Variants in ANKRD10 observed in about 807,000 individuals in gnomAD.
The protein encoded by ANKRD10 is ankyrin repeat domain-containing protein 10.
A neutral mutation model predicts 27.0 loss-of-function variants in ANKRD10; 14 were observed. The ratio of observed to expected loss-of-function variants is 0.52; its 90% CI spans 0.34 to 0.81. The LOEUF is 0.81. ANKRD10 is among the 40% of genes least tolerant of loss of function. The pLI is 0.01. For missense variants in ANKRD10, 493 were observed against 544.0 expected, an observed-to-expected ratio of 0.91 and a Z score of 0.93; for synonymous variants, 250 against 224.5, an observed-to-expected ratio of 1.11 and a Z score of -1.01.
At chr13:110,898,928 TG>T (rs1252519076) in intron 3 of ANKRD10, 1 of 152,194 alleles carries the variant, frequency 6.6e-6, no homozygotes, top group Non-Finnish European at 1.5e-5. Context: ...GCTAATTTTT[TG>T]TATTTTTAGT....
In ANKRD10 at chr13:110,885,978, TACTC is replaced by T. The variant is rs2064919515; in HGVS notation, c.692-2189_692-2186del. Among the ~76,000 whole-genome samples, 3 of 152,206 alleles carry T rather than the reference TACTC, an allele frequency of 2.0e-5. No individual in the cohort carries two copies. In the South Asian group the frequency reaches 6.2e-4, roughly 32 times the overall value. ...TCACTAGGCCCAGTACCTAGAATAGTACTCACATCAGCAGATGAAGCCCACCCAC... is the reference window on the plus strand; with the variant it reads ...TCACTAGGCCCAGTACCTAGAATAGTACATCAGCAGATGAAGCCCACCCAC... On this transcript the variant is annotated intron_variant, in intron 4 of 5. Transcript: ENST00000267339.
At position 110,914,936 on chromosome 13, in the gene ANKRD10, G is replaced by A. The variant is rs1047075015; in HGVS notation, c.-2C>T. 3 of 1,531,996 alleles carry A rather than the reference G, an allele frequency of 2.0e-6. No individual in the cohort carries two copies. The highest frequency in any genetic ancestry group is 1.4e-5 in the African/African-American group (1 of 72,890). The allele number at this position is 1,531,996 out of a possible 1,614,324, so 94.9% of individuals were successfully genotyped here. A position where few individuals can be genotyped will look rare whatever the true frequency, so the allele number is the denominator to read the frequency against. On this transcript the variant is annotated 5_prime_UTR_variant, in exon 1 of 6. Transcript: ENST00000267339. ...CGCGCCCGCTCCCGCCGCCGACATG[G>A]TCCGTCACCGGAGAGCGCGGGGCTC...
intron 3 of ANKRD10, chr13:110,900,613 T>C: frequency 7.4e-7 from 1 of 1,351,972 alleles, no homozygotes; most frequent in Admixed American, 1.9e-5. Context: ...GAAGCACCTG[T>C]GGCAGTTTCA....
intron 4 of ANKRD10, among the ~76,000 whole-genome samples, chr13:110,887,310 T>G (rs2064957821): frequency 6.6e-6 from 1 of 152,138 alleles, no homozygotes; most frequent in African/African-American, 2.4e-5. Flanking sequence ...AAAAAAGTCT[T>G]AGTTTCAAGT....
intron 5 of ANKRD10, among the ~76,000 whole-genome samples, chr13:110,880,924 T>A (rs1003292375): frequency 6.6e-6 from 1 of 151,224 alleles, no homozygotes; most frequent in Admixed American, 6.6e-5. Context: ...GCAGCCAGGG[T>A]TTCATTAGGT....
At chr13:110,896,584 T>A (rs1034242221) in intron 3 of ANKRD10, among the ~76,000 whole-genome samples, 1 of 152,232 alleles carries the variant, frequency 6.6e-6, no homozygotes, top group Non-Finnish European at 1.5e-5. Flanking sequence ...TGGCCTGAAA[T>A]GATCATTAAG....
intron 4 of ANKRD10, among the ~76,000 whole-genome samples, chr13:110,889,065 TG>T (rs1484336076): frequency 6.6e-6 from 1 of 152,162 alleles, no homozygotes; most frequent in Non-Finnish European, 1.5e-5. Context: ...TTTTCACTCA[TG>T]GAAGGGACTG....
Position 110,910,729 on chromosome 13 carries a change from G to C in ANKRD10, c.252C>G (p.Leu84=). The stretch of plus-strand genomic sequence containing the variant: ...GCGCGTACCGTGTGGTGGAGACGTT[G>C]AGTGTGGCTCCCGCTCTCACCAACT... ...LVQLVRAGAT[L]NVSTTRYAQT... is the part of the protein sequence containing the mutation. The change falls in exon 2 of 6, where the codon CTC becomes CTG. Residue 84 remains leucine, a synonymous_variant. Coordinates refer to ENST00000267339, the MANE Select transcript of ANKRD10 (RefSeq NM_017664.4). The C allele has an allele frequency of 6.2e-7, 1 of 1,614,172 alleles. No homozygotes were observed.
chr13:110,890,484 A>G (rs1336675356), intron 4 of ANKRD10, among the ~76,000 whole-genome samples: 1 of 152,220 alleles, frequency 6.6e-6, no homozygotes, highest in East Asian at 1.9e-4. Context: ...CGAGTGTGGC[A>G]AATCTAAGGA....
rs765502672 is a variant in ANKRD10, at chr13:110,914,786, AG to A, written c.148del (p.Leu50TrpfsTer25). The part of the protein sequence containing the change: ...SLLQQTPHAH[L>X]ASEDSFYGWT... Reference sequence around the variant, plus strand: ...GCCATAGAAGGAGTCCTCAGAGGCCAGGTGGGCGTGGGGTGTCTGCTGCAGC... The same window carrying A: ...GCCATAGAAGGAGTCCTCAGAGGCCAGTGGGCGTGGGGTGTCTGCTGCAGC... On this transcript the variant is annotated frameshift_variant, in exon 1 of 6. Coordinates refer to ENST00000267339, the MANE Select transcript of ANKRD10 (RefSeq NM_017664.4). LOFTEE classifies it high-confidence loss of function. The A allele has an allele frequency of 6.3e-7, 1 of 1,597,856 alleles. No homozygotes were observed. Among genetic ancestry groups the A allele is most frequent in the South Asian group, 1.1e-5 (1 of 88,366 alleles).
intron 3 of ANKRD10, among the ~76,000 whole-genome samples, chr13:110,901,682 C>T (rs2065384559): frequency 6.6e-6 from 1 of 152,152 alleles, no homozygotes; most frequent in Non-Finnish European, 1.5e-5. Context: ...GAACTGATTC[C>T]TCCATCCTGA....
At chr13:110,880,827 C>T (rs548542628) in intron 5 of ANKRD10, among the ~76,000 whole-genome samples, 40 of 152,322 alleles carry the variant, frequency 2.6e-4, no homozygotes, top group African/African-American at 7.5e-4. Flanking sequence ...GGAACTGTAA[C>T]GGCCAACAGT....
intron 3 of ANKRD10, among the ~76,000 whole-genome samples, chr13:110,901,255 T>A (rs951844950): frequency 1.3e-5 from 2 of 152,248 alleles, no homozygotes; most frequent in Non-Finnish European, 2.9e-5. Flanking sequence ...AAGACTTTCT[T>A]AAATATATTC....
intron 1 of ANKRD10, among the ~76,000 whole-genome samples, chr13:110,912,967 C>T (rs893425046): frequency 6.6e-6 from 1 of 152,208 alleles, no homozygotes; most frequent in South Asian, 2.1e-4. Context: ...CTTGTTACAA[C>T]ATTTGATGAC....
At chr13:110,882,598 C>T (rs960288862) in intron 5 of ANKRD10, among the ~76,000 whole-genome samples, 14 of 152,158 alleles carry the variant, frequency 9.2e-5, no homozygotes, top group Admixed American at 2.6e-4. Context: ...AGCAAGGTCA[C>T]TTTTAAAAAA....
chr13:110,881,331 G>T (rs2064812700), intron 5 of ANKRD10, among the ~76,000 whole-genome samples: 1 of 152,192 alleles, frequency 6.6e-6, no homozygotes, highest in Admixed American at 6.5e-5. Flanking sequence ...TTCCCATAGA[G>T]GGCTTCCCCT....
intron 4 of ANKRD10, among the ~76,000 whole-genome samples, chr13:110,885,371 T>C (rs2064901639): frequency 6.6e-6 from 1 of 152,054 alleles, no homozygotes; most frequent in East Asian, 1.9e-4. Context: ...GCCAACATGC[T>C]GAATAAATAC....
rs76841432 is a variant in ANKRD10, at chr13:110,888,963, T to C, written c.691+4065A>G. On this transcript the variant is annotated intron_variant, in intron 4 of 5. Transcript: ENST00000267339. ...TGTCCCAATTGTGAAATTGAAGTTA[T>C]TGGGTCAGTTTTTAAACTCACTGTG... Among the ~76,000 whole-genome samples the C allele has an allele frequency of 5.8e-3, 887 of 152,310 alleles. 9 individuals carry two copies. Among genetic ancestry groups the C allele is most frequent in the African/African-American group, 0.02 (846 of 41,570 alleles).
At chr13:110,900,580 G>A in intron 3 of ANKRD10, 3 of 1,351,368 alleles carry the variant, frequency 2.2e-6, no homozygotes, top group Non-Finnish European at 2.9e-6. Context: ...AACATTCAAT[G>A]CCACAACTGT....
Sources: gnomAD v4.1 joint callset for allele counts (sites outside exome capture counted in the v4.1 genomes callset) on GRCh38, gnomAD v4.1.1 for gene constraint, MANE v1.5 for transcripts, NCBI Gene and HGNC (gene_info 2026-07-23, HGNC 2026-07-21) for gene names.